HIBADH: variants seen among roughly 807,000 people sequenced by gnomAD.
HIBADH encodes 3-hydroxyisobutyrate dehydrogenase.
Under a neutral mutation model 36.1 loss-of-function variants are expected in HIBADH, and 25 were observed. The observed-to-expected ratio is 0.69, with a 90% confidence interval of 0.50 to 0.97. The LOEUF is 0.97. Among genes scored for constraint, HIBADH ranks in the 50% least tolerant of loss-of-function variants. The pLI is 0.00. For missense variants in HIBADH, 421 were observed against 418.0 expected (o/e 1.01, Z -0.06); for synonymous variants, 160 against 149.5 (o/e 1.07, Z -0.51).
chr7:27,588,710 T>C (rs113679255), intron 4 of HIBADH, among the ~76,000 whole-genome samples: 14 of 152,356 alleles, frequency 9.2e-5, no homozygotes, highest in African/African-American at 3.4e-4. Context: ...ATAATTTTGC[T>C]TCTAGAAATT....
chr7:27,563,967 C>G (rs1020517951), intron 4 of HIBADH, among the ~76,000 whole-genome samples: 1 of 146,794 alleles, frequency 6.8e-6, no homozygotes, highest in Non-Finnish European at 1.5e-5. Context: ...GGCACGATCT[C>G]GGCTCACTGT....
At chr7:27,537,647 A>G (rs1055140781) in intron 6 of HIBADH, among the ~76,000 whole-genome samples, 2 of 152,166 alleles carry the variant, frequency 1.3e-5, no homozygotes, top group African/African-American at 4.8e-5. Flanking sequence ...TTACTAACCC[A>G]AAAGATTAAA....
chr7:27,660,115 A>AT (rs1786386171), intron 1 of HIBADH, among the ~76,000 whole-genome samples: 1 of 152,190 alleles, frequency 6.6e-6, no homozygotes, highest in African/African-American at 2.4e-5. Flanking sequence ...TTCAGGTTTC[A>AT]TTTTTTTAAA....
chr7:27,595,817 A>G (rs943029777), intron 4 of HIBADH, among the ~76,000 whole-genome samples: 1 of 152,204 alleles, frequency 6.6e-6, no homozygotes, highest in African/African-American at 2.4e-5. Context: ...CGCATAAAGG[A>G]CAGGAATTAG....
intron 1 of HIBADH, among the ~76,000 whole-genome samples, chr7:27,653,487 G>A (rs1322079631): frequency 2.0e-5 from 3 of 152,180 alleles, no homozygotes; most frequent in Non-Finnish European, 4.4e-5. Flanking sequence ...TGTAATGCCA[G>A]CACTTTGGGA....
intron 5 of HIBADH, 64 bp from the exon 6 acceptor site, chr7:27,538,481 T>C: frequency 7.2e-7 from 1 of 1,381,780 alleles, no homozygotes; most frequent in East Asian, 2.3e-5. Flanking sequence ...CAGGACGTTT[T>C]TCCTTGCCCA....
chr7:27,625,654 C>T (rs535924606), intron 4 of HIBADH, among the ~76,000 whole-genome samples: 9 of 152,018 alleles, frequency 5.9e-5, no homozygotes, highest in Non-Finnish European at 8.8e-5. Flanking sequence ...CACTTTATAC[C>T]GCACATATAT....
At chr7:27,605,072 C>G (rs1359219912) in intron 4 of HIBADH, among the ~76,000 whole-genome samples, 1 of 152,012 alleles carries the variant, frequency 6.6e-6, no homozygotes, top group East Asian at 1.9e-4. Context: ...GACAACATAT[C>G]CTATCACCTG....
At chr7:27,638,951 C>G (rs1045607136) in intron 2 of HIBADH, among the ~76,000 whole-genome samples, 6 of 152,038 alleles carry the variant, frequency 3.9e-5, no homozygotes, top group Admixed American at 6.6e-5. Flanking sequence ...GAGATGCTGG[C>G]AAGGTTGCAG....
At chr7:27,610,702 G>T (rs1785308133) in intron 4 of HIBADH, among the ~76,000 whole-genome samples, 1 of 152,108 alleles carries the variant, frequency 6.6e-6, no homozygotes, top group South Asian at 2.1e-4. Flanking sequence ...GGAAGAATTT[G>T]CTTTTGGACA....
chr7:27,555,323 T>TTTTA (rs1554295722), intron 4 of HIBADH, among the ~76,000 whole-genome samples: 1 of 142,250 alleles, frequency 7.0e-6, no homozygotes, highest in Non-Finnish European at 1.6e-5. Context: ...TTTTTTTTTT[T>TTTTA]AAATAAAGAC....
At chr7:27,532,418 C>T (rs565778654) in intron 6 of HIBADH, among the ~76,000 whole-genome samples, 12 of 152,314 alleles carry the variant, frequency 7.9e-5, no homozygotes, top group Non-Finnish European at 1.2e-4. Flanking sequence ...CATCTTGGCA[C>T]GCTCAGATTG....
intron 2 of HIBADH, among the ~76,000 whole-genome samples, chr7:27,636,481 C>A (rs909007483): frequency 1.1e-4 from 16 of 152,132 alleles, no homozygotes; most frequent in Non-Finnish European, 5.9e-5. Context: ...ATGATGGAGC[C>A]CACTCAGCAA....
chr7:27,618,475 C>CCAG, intron 4 of HIBADH, among the ~76,000 whole-genome samples: 1 of 152,290 alleles, frequency 6.6e-6, no homozygotes, highest in South Asian at 2.1e-4. Flanking sequence ...AGAAGGTAAT[C>CCAG]AAACCACCAC....
At chr7:27,604,016 C>T (rs1340506849) in intron 4 of HIBADH, among the ~76,000 whole-genome samples, 1 of 152,032 alleles carries the variant, frequency 6.6e-6, no homozygotes, top group Non-Finnish European at 1.5e-5. Context: ...TTCAGTACAT[C>T]GCCCCTCCTC....
intron 1 of HIBADH, among the ~76,000 whole-genome samples, chr7:27,662,369 C>G (rs1786440495): frequency 6.6e-6 from 1 of 152,106 alleles, no homozygotes; most frequent in Non-Finnish European, 1.5e-5. Flanking sequence ...CAAACGTCCT[C>G]GGAGTCCTAA....
At chr7:27,530,157 A>G (rs1177644730) in intron 7 of HIBADH, among the ~76,000 whole-genome samples, 2 of 152,108 alleles carry the variant, frequency 1.3e-5, no homozygotes, top group Non-Finnish European at 2.9e-5. Flanking sequence ...TGAACCCACA[A>G]TATCTCCAAG....
chr7:27,627,972 T>G (rs1040991161), intron 4 of HIBADH, among the ~76,000 whole-genome samples: 8 of 152,190 alleles, frequency 5.3e-5, no homozygotes, highest in African/African-American at 1.7e-4. Context: ...GATTATAATT[T>G]CAGGTTGTAC....
intron 4 of HIBADH, among the ~76,000 whole-genome samples, chr7:27,599,272 A>C (rs965591557): frequency 1.9e-4 from 29 of 152,256 alleles, no homozygotes; most frequent in African/African-American, 7.0e-4. Flanking sequence ...TTAAAATGAA[A>C]GAACATTTTT....
Sources: gnomAD v4.1 joint callset for allele counts (sites outside exome capture counted in the v4.1 genomes callset) on GRCh38, gnomAD v4.1.1 for gene constraint, MANE v1.5 for transcripts, NCBI Gene and HGNC (gene_info 2026-07-23, HGNC 2026-07-21) for gene names.